The following PHF24 variants were observed in gnomAD, a reference collection of about 807,000 sequenced individuals.
The protein encoded by PHF24 is Galpha inhibitory interacting protein.
Under a neutral mutation model 42.6 loss-of-function variants are expected in PHF24, and 25 were observed. The observed-to-expected ratio is 0.59, with a 90% CI of 0.43 to 0.82. The LOEUF (loss-of-function observed/expected upper bound fraction) is 0.82. Among genes scored for constraint, PHF24 ranks in the 40% least tolerant of loss-of-function variants. The pLI is 0.00. For synonymous variants in PHF24, 185 were observed against 204.8 expected (o/e 0.90, Z 0.83); for missense variants, 470 against 538.1 (o/e 0.87, Z 1.25).
chr9:34,716,460 A>G, the PHF24 span, among the ~76,000 whole-genome samples: 1 of 152,178 alleles, frequency 6.6e-6, no homozygotes, highest in African/African-American at 2.4e-5. Flanking sequence ...AAGAGTGAGG[A>G]GATCTTAACC....
chr9:34,709,623 A>G, the PHF24 span: 1 of 1,613,980 alleles, frequency 6.2e-7, no homozygotes, highest in Non-Finnish European at 8.5e-7. Context: ...CAGCTGCTGC[A>G]CCCAGAGCTC....
At chr9:34,824,077 C>T in the PHF24 span, among the ~76,000 whole-genome samples, 2 of 152,198 alleles carry the variant, frequency 1.3e-5, no homozygotes, top group East Asian at 1.9e-4. Flanking sequence ...TGTTTGCTCT[C>T]GCCTGGTAGA....
the PHF24 span, among the ~76,000 whole-genome samples, chr9:34,950,590 G>A: frequency 6.6e-6 from 1 of 151,994 alleles, no homozygotes; most frequent in Non-Finnish European, 1.5e-5. Context: ...TATCAATAAA[G>A]AAGAATATTA....
At chr9:34,972,199 A>G (rs1827016557) in intron 2 of PHF24, 147 bp from the exon 3 acceptor site, 1 of 675,034 alleles carries the variant, frequency 1.5e-6, no homozygotes, top group Admixed American at 2.7e-5. Context: ...CCAGAAAGAA[A>G]ACCTCAACAA....
chr9:34,792,810 T>C, the PHF24 span, among the ~76,000 whole-genome samples: 1 of 152,196 alleles, frequency 6.6e-6, no homozygotes, highest in South Asian at 2.1e-4. Context: ...TGTCCAGCTG[T>C]GCTTTGGAAA....
chr9:34,845,177 C>G, the PHF24 span, among the ~76,000 whole-genome samples: 1 of 152,090 alleles, frequency 6.6e-6, no homozygotes, highest in African/African-American at 2.4e-5. Flanking sequence ...TATGAAATCT[C>G]TTTTTCCATC....
At chr9:34,886,738 A>ATCTGTCTGTCTG in the PHF24 span, among the ~76,000 whole-genome samples, 1 of 141,948 alleles carries the variant, frequency 7.0e-6, no homozygotes, top group East Asian at 2.0e-4. Flanking sequence ...ATGGTTTTAT[A>ATCTGTCTGTCTG]TCTATCTATC....
chr9:34,811,480 G>A, the PHF24 span, among the ~76,000 whole-genome samples: 1 of 152,192 alleles, frequency 6.6e-6, no homozygotes, highest in Non-Finnish European at 1.5e-5. Flanking sequence ...TTTCTCACGT[G>A]CTCTCTTGCC....
chr9:34,890,274 C>G, the PHF24 span, among the ~76,000 whole-genome samples: 1 of 152,198 alleles, frequency 6.6e-6, no homozygotes, highest in East Asian at 1.9e-4. Flanking sequence ...CCAGACACCC[C>G]CTTCTCTGTG....
the PHF24 span, among the ~76,000 whole-genome samples, chr9:34,876,356 A>AGAACCTTAAG: frequency 1.2e-4 from 19 of 152,216 alleles, no homozygotes; most frequent in Non-Finnish European, 2.5e-4. Flanking sequence ...AAGACATGGA[A>AGAACCTTAAG]GAACCTTAAG....
At chr9:34,772,328 C>T in the PHF24 span, among the ~76,000 whole-genome samples, 1 of 151,996 alleles carries the variant, frequency 6.6e-6, no homozygotes, top group African/African-American at 2.4e-5. Flanking sequence ...TGAAATTTTT[C>T]CTAAGGAAAT....
At chr9:34,824,041 A>T in the PHF24 span, among the ~76,000 whole-genome samples, 5 of 152,160 alleles carry the variant, frequency 3.3e-5, no homozygotes, top group African/African-American at 1.2e-4. Context: ...ATTGGAAAGG[A>T]CCACACTCCC....
the PHF24 span, among the ~76,000 whole-genome samples, chr9:34,721,158 G>A: frequency 6.6e-6 from 1 of 152,158 alleles, no homozygotes; most frequent in African/African-American, 2.4e-5. Flanking sequence ...TTGGGGACTT[G>A]CTCCCATTCC....
the PHF24 span, among the ~76,000 whole-genome samples, chr9:34,877,811 G>A: frequency 6.6e-6 from 1 of 152,012 alleles, no homozygotes; most frequent in Non-Finnish European, 1.5e-5. Context: ...GTGCTACAGT[G>A]GTTTGCTGCA....
the PHF24 span, among the ~76,000 whole-genome samples, chr9:34,771,680 G>A: frequency 1.3e-5 from 2 of 151,202 alleles, no homozygotes; most frequent in Non-Finnish European, 3.0e-5. Context: ...AACCACCACT[G>A]CTATCAAGGT....
At chr9:34,943,009 A>G in the PHF24 span, among the ~76,000 whole-genome samples, 1 of 152,146 alleles carries the variant, frequency 6.6e-6, no homozygotes, top group East Asian at 1.9e-4. Flanking sequence ...TAATAAAAAA[A>G]GAAAGAAAAG....
the PHF24 span, among the ~76,000 whole-genome samples, chr9:34,733,130 T>C: frequency 6.6e-6 from 1 of 152,200 alleles, no homozygotes; most frequent in Non-Finnish European, 1.5e-5. Context: ...GAATTTGCAC[T>C]CTCACCAAAA....
the PHF24 span, chr9:34,709,338 G>C: frequency 2.5e-6 from 4 of 1,595,252 alleles, no homozygotes; most frequent in East Asian, 8.9e-5. Flanking sequence ...TTGGGTTCAG[G>C]CTTCAAGCGC....
At chr9:34,897,966 T>G in the PHF24 span, among the ~76,000 whole-genome samples, 3 of 152,208 alleles carry the variant, frequency 2.0e-5, no homozygotes, top group East Asian at 3.8e-4. Context: ...AAAATAATAG[T>G]CTCCAATCTC....
Sources: gnomAD v4.1 joint callset for allele counts (sites outside exome capture counted in the v4.1 genomes callset) on GRCh38, gnomAD v4.1.1 for gene constraint, MANE v1.5 for transcripts, NCBI Gene and HGNC (gene_info 2026-07-23, HGNC 2026-07-21) for gene names.